The following RASSF3 variants were observed in gnomAD, a reference collection of about 807,000 sequenced individuals.
RASSF3 encodes the protein ras association domain-containing protein 3.
RASSF3 carries 19 observed loss-of-function variants against 19.9 expected under a neutral mutation model. The ratio of observed to expected loss-of-function variants is 0.96; its 90% CI spans 0.67 to 1.40. The LOEUF is 1.40. Ranked by LOEUF, RASSF3 falls within the 40% of genes most tolerant of loss-of-function variation. The pLI, the probability that RASSF3 is intolerant of heterozygous loss-of-function variation, is 0.00. For synonymous variants in RASSF3, 110 were observed against 104.2 expected (o/e 1.06, Z -0.34); for missense variants, 306 against 289.8 (o/e 1.06, Z -0.41).
At chr12:64,632,583 G>A (rs1408927313) in intron 1 of RASSF3, among the ~76,000 whole-genome samples, 1 of 152,126 alleles carries the variant, frequency 6.6e-6, no homozygotes, top group East Asian at 1.9e-4. Flanking sequence ...GGGAGGCAAG[G>A]AAGGAGACGA....
At chr12:64,668,963 C>T (rs1246870648) in intron 1 of RASSF3, among the ~76,000 whole-genome samples, 1 of 152,100 alleles carries the variant, frequency 6.6e-6, no homozygotes, top group Non-Finnish European at 1.5e-5. Context: ...GCTACCGCAC[C>T]CAGCCCAATT....
chr12:64,541,907 A>C (rs1417102672), downstream of RASSF3, among the ~76,000 whole-genome samples: 1 of 152,204 alleles, frequency 6.6e-6, no homozygotes, highest in Non-Finnish European at 1.5e-5. Context: ...AGAAACAATA[A>C]GATAGAGTAT....
chr12:64,527,194 T>C (rs1298683715), intron 1 of RASSF3, among the ~76,000 whole-genome samples: 2 of 152,172 alleles, frequency 1.3e-5, no homozygotes, highest in African/African-American at 2.4e-5. Flanking sequence ...TGAGTCCCAG[T>C]GAGTCCTTCA....
intron 1 of RASSF3, among the ~76,000 whole-genome samples, chr12:64,630,964 T>C (rs1030417186): frequency 2.6e-5 from 4 of 152,188 alleles, no homozygotes; most frequent in African/African-American, 9.7e-5. Flanking sequence ...ATGTGTGTTT[T>C]GAGATGTCTG....
chr12:64,551,724 T>C (rs550405138), intron 2 of RASSF3, among the ~76,000 whole-genome samples: 2 of 152,332 alleles, frequency 1.3e-5, no homozygotes, highest in African/African-American at 4.8e-5. Context: ...TTTTCTTTAA[T>C]ACTCACAACA....
chr12:64,619,391 C>T (rs1302161654), intron 1 of RASSF3, among the ~76,000 whole-genome samples: 1 of 151,902 alleles, frequency 6.6e-6, no homozygotes, highest in African/African-American at 2.4e-5. Context: ...CGGTGCAACT[C>T]TGCCTTCAGT....
intron 1 of RASSF3, chr12:64,628,397 A>G (rs1264326525): frequency 6.6e-5 from 10 of 152,222 alleles, no homozygotes; most frequent in Admixed American, 6.6e-4. Context: ...GTAGGACAGA[A>G]GGGATAGTTT....
At chr12:64,534,678 G>A (rs1187569338) in intron 1 of RASSF3, among the ~76,000 whole-genome samples, 1 of 152,136 alleles carries the variant, frequency 6.6e-6, no homozygotes, top group South Asian at 2.1e-4. Context: ...GAGAGAAAGA[G>A]AGAATAGAGA....
chr12:64,692,140 G>C (rs1868296252), intron 4 of RASSF3, among the ~76,000 whole-genome samples: 1 of 152,096 alleles, frequency 6.6e-6, no homozygotes, highest in Non-Finnish European at 1.5e-5. Context: ...TATTTAGCCA[G>C]TTCAGTAGAA....
At chr12:64,673,753 T>C (rs1246643792) in intron 1 of RASSF3, among the ~76,000 whole-genome samples, 1 of 152,096 alleles carries the variant, frequency 6.6e-6, no homozygotes, top group Non-Finnish European at 1.5e-5. Context: ...TTGTGAAATA[T>C]ATCACGTTTC....
intron 3 of RASSF3, among the ~76,000 whole-genome samples, chr12:64,690,825 G>A (rs1868269326): frequency 6.7e-6 from 1 of 148,260 alleles, no homozygotes; most frequent in Admixed American, 6.7e-5. Flanking sequence ...CCTTTTTTAG[G>A]TTTCTTATCT....
chr12:64,562,456 T>C (rs919454878), intron 2 of RASSF3, among the ~76,000 whole-genome samples: 1 of 152,146 alleles, frequency 6.6e-6, no homozygotes. Flanking sequence ...TATGAGTGAA[T>C]GAAATGCACT....
rs1870011441 is a variant in RASSF3 at position 64,597,182 on chromosome 12, G to GCTGGAC, written c.294+55477_294+55478insCTGGAC. Among the ~76,000 whole-genome samples, 9 of 152,070 alleles carry GCTGGAC rather than the reference G, an allele frequency of 5.9e-5. No individual in the cohort carries two copies. In the South Asian group the frequency reaches 1.7e-3, roughly 28 times the overall value. On this transcript the variant is annotated intron_variant, in intron 2 of 5. Coordinates refer to the RASSF3 transcript ENST00000637125. ...GAGCCTTGCTCTGTTGCCCAGACTGGAGTGCAGTGGCTCGATCTTCGCTCA... is the reference window on the plus strand; with the variant it reads ...GAGCCTTGCTCTGTTGCCCAGACTGGCTGGACAGTGCAGTGGCTCGATCTTCGCTCA...
intron 2 of RASSF3, among the ~76,000 whole-genome samples, chr12:64,563,126 C>T (rs758288218): frequency 6.6e-6 from 1 of 151,968 alleles, no homozygotes; most frequent in Non-Finnish European, 1.5e-5. Flanking sequence ...ATAGCAGCCA[C>T]ATAATATTTT....
At chr12:64,547,594 AGGAAGGAC>A (rs1385720133) in intron 2 of RASSF3, among the ~76,000 whole-genome samples, 1 of 146,858 alleles carries the variant, frequency 6.8e-6, no homozygotes, top group African/African-American at 2.4e-5. Context: ...AAAGAAGGGA[AGGAAGGAC>A]GGAAGGAAGG....
chr12:64,630,232 A>G, intron 1 of RASSF3, among the ~76,000 whole-genome samples: 1 of 152,108 alleles, frequency 6.6e-6, no homozygotes. Context: ...AGAGATATAA[A>G]GTTAAAAATT....
chr12:64,516,812 C>T (rs1030479045), intron 1 of RASSF3, among the ~76,000 whole-genome samples: 4 of 151,480 alleles, frequency 2.6e-5, no homozygotes, highest in Non-Finnish European at 1.5e-5. Flanking sequence ...CCAGCCTGAC[C>T]AACATGGTGA....
chr12:64,557,723 T>C (rs1181043425), intron 2 of RASSF3, among the ~76,000 whole-genome samples: 1 of 152,148 alleles, frequency 6.6e-6, no homozygotes, highest in African/African-American at 2.4e-5. Context: ...ATATTCCTCA[T>C]CCTGAAGATG....
intron 2 of RASSF3, among the ~76,000 whole-genome samples, chr12:64,551,893 T>C (rs1445908039): frequency 6.6e-6 from 1 of 152,080 alleles, no homozygotes; most frequent in African/African-American, 2.4e-5. Flanking sequence ...ATATTTTCAG[T>C]TTTTCTGTGA....
Sources: gnomAD v4.1 joint callset for allele counts (sites outside exome capture counted in the v4.1 genomes callset) on GRCh38, gnomAD v4.1.1 for gene constraint, MANE v1.5 for transcripts, NCBI Gene and HGNC (gene_info 2026-07-23, HGNC 2026-07-21) for gene names.